Variants in RBFOX1 observed in about 807,000 individuals in gnomAD.
RBFOX1 encodes the protein RNA binding protein fox-1 homolog 1.
RBFOX1 carries 8 observed loss-of-function variants against 57.7 expected under a neutral mutation model. That is an observed-to-expected ratio of 0.14 (90% CI 0.08 to 0.25). The LOEUF (loss-of-function observed/expected upper bound fraction) is 0.25, where lower values mean the gene tolerates loss of function less well. RBFOX1 is among the 10% of genes least tolerant of loss of function. The pLI, the probability that RBFOX1 is intolerant of heterozygous loss-of-function variation, is 1.00. For missense variants in RBFOX1, 611 were observed against 548.5 expected, an observed-to-expected ratio of 1.11 and a Z score of -1.14; for synonymous variants, 326 against 222.4, an observed-to-expected ratio of 1.47 and a Z score of -4.15.
intron 4 of RBFOX1, among the ~76,000 whole-genome samples, chr16:7,402,144 T>A (rs2098254781): frequency 6.6e-6 from 1 of 152,074 alleles, no homozygotes; most frequent in African/African-American, 2.4e-5. Flanking sequence ...AATTGAAAAA[T>A]ATATATATTG....
intron 1 of RBFOX1, among the ~76,000 whole-genome samples, chr16:5,395,909 C>G (rs527267606): frequency 6.6e-6 from 1 of 152,284 alleles, no homozygotes; most frequent in South Asian, 2.1e-4. Context: ...CCTGCAGCCA[C>G]CAGGAAATAA....
chr16:7,563,378 C>G lies in RBFOX1; in HGVS notation c.271-16399C>G, dbSNP rs368149577. ...TGCTGCAGTTCACACAGATAGGAAGCAGTGAAGCTGGAATTCAAATCTAGA... is the reference window on the plus strand; with the variant it reads ...TGCTGCAGTTCACACAGATAGGAAGGAGTGAAGCTGGAATTCAAATCTAGA... On this transcript the variant is annotated intron_variant, in intron 5 of 15. Coordinates refer to ENST00000550418, the MANE Select transcript of RBFOX1 (RefSeq NM_018723.4). Among the ~76,000 whole-genome samples the G allele has an allele frequency of 8.7e-4, 133 of 152,270 alleles. 4 individuals carry two copies. In the South Asian group the frequency reaches 0.027, roughly 31 times the overall value.
At chr16:5,691,856 G>A (rs894971907) in intron 3 of RBFOX1, among the ~76,000 whole-genome samples, 2 of 152,072 alleles carry the variant, frequency 1.3e-5, no homozygotes, top group Admixed American at 1.3e-4. Flanking sequence ...GCCAGAGTTG[G>A]GATTCAATCC....
intron 3 of RBFOX1, among the ~76,000 whole-genome samples, chr16:6,768,630 G>C (rs994409854): frequency 6.6e-6 from 1 of 150,794 alleles, no homozygotes; most frequent in African/African-American, 2.4e-5. Flanking sequence ...TTTAAATATC[G>C]CCTACCTGTA....
intron 3 of RBFOX1, among the ~76,000 whole-genome samples, chr16:6,681,437 T>G (rs1254266043): frequency 6.6e-6 from 1 of 152,224 alleles, no homozygotes; most frequent in Non-Finnish European, 1.5e-5. Context: ...CCTGGCAAGC[T>G]GTGTGAAGAA....
chr16:6,999,149 G>C (rs1009647306), intron 3 of RBFOX1, among the ~76,000 whole-genome samples: 2 of 149,540 alleles, frequency 1.3e-5, no homozygotes, highest in Admixed American at 1.3e-4. Flanking sequence ...GATTACAGGT[G>C]TGAGCCACTG....
chr16:6,966,923 C>G (rs2084368251), intron 3 of RBFOX1, among the ~76,000 whole-genome samples: 1 of 150,142 alleles, frequency 6.7e-6, no homozygotes, highest in Non-Finnish European at 1.5e-5. Context: ...ATCCATCCAT[C>G]CATCCATCCA....
At chr16:5,929,019 G>C (rs796076455) in intron 4 of RBFOX1, among the ~76,000 whole-genome samples, 9 of 137,538 alleles carry the variant, frequency 6.5e-5, no homozygotes, top group African/African-American at 2.5e-4. Context: ...AGTGTTTAAA[G>C]CTTCTTTCCA....
intron 1 of RBFOX1, among the ~76,000 whole-genome samples, chr16:6,224,300 A>G (rs7198628): frequency 6.6e-6 from 1 of 151,992 alleles, no homozygotes; most frequent in South Asian, 2.1e-4. Flanking sequence ...CTTGGGCAGT[A>G]TGGCCATTTT....
At chr16:5,933,688 C>T (rs1175362984) in intron 4 of RBFOX1, among the ~76,000 whole-genome samples, 1 of 152,122 alleles carries the variant, frequency 6.6e-6, no homozygotes, top group Non-Finnish European at 1.5e-5. Context: ...CTTTCCAAAG[C>T]CCTGAAATAC....
intron 3 of RBFOX1, among the ~76,000 whole-genome samples, chr16:6,908,582 C>T (rs942487916): frequency 6.6e-6 from 1 of 152,188 alleles, no homozygotes; most frequent in Admixed American, 6.5e-5. Flanking sequence ...ATCCATGTGC[C>T]TGGCACAGTG....
intron 1 of RBFOX1, among the ~76,000 whole-genome samples, chr16:6,169,668 T>C (rs565942087): frequency 6.6e-6 from 1 of 152,302 alleles, no homozygotes; most frequent in African/African-American, 2.4e-5. Context: ...AATTTGAACA[T>C]AGTTTCAACA....
chr16:7,351,431 CT>C (rs1433197935), intron 4 of RBFOX1, among the ~76,000 whole-genome samples: 4 of 152,168 alleles, frequency 2.6e-5, no homozygotes. Context: ...AGCTTTGATT[CT>C]TTTTTTAGTG....
intron 3 of RBFOX1, among the ~76,000 whole-genome samples, chr16:6,799,670 A>G (rs1346475216): frequency 6.6e-6 from 1 of 152,160 alleles, no homozygotes; most frequent in Non-Finnish European, 1.5e-5. Context: ...AGGTGGAAGA[A>G]GGTGGGATGA....
chr16:5,280,002 C>T (rs1038405440), intron 1 of RBFOX1, among the ~76,000 whole-genome samples: 1 of 152,104 alleles, frequency 6.6e-6, no homozygotes, highest in Non-Finnish European at 1.5e-5. Context: ...AGTGGGTATC[C>T]TTGTCTTGTT....
At chr16:5,355,503 G>A (rs1463445405) in intron 1 of RBFOX1, among the ~76,000 whole-genome samples, 1 of 152,200 alleles carries the variant, frequency 6.6e-6, no homozygotes, top group African/African-American at 2.4e-5. Context: ...CCTGAGGTCA[G>A]CTGAAGCTGG....
intron 3 of RBFOX1, among the ~76,000 whole-genome samples, chr16:6,919,966 C>A (rs934854057): frequency 2.6e-5 from 4 of 151,944 alleles, no homozygotes; most frequent in African/African-American, 4.8e-5. Context: ...CCCCAAAGTC[C>A]ATTACATCAT....
At chr16:7,249,905 A>C (rs4146343) in intron 4 of RBFOX1, among the ~76,000 whole-genome samples, 15,037 of 152,258 alleles carry the variant, frequency 0.099, 897 homozygotes, top group Middle Eastern at 0.14. Flanking sequence ...CAGAAAGGTT[A>C]AACCAATTTA....
At chr16:5,599,295 G>T (rs1241742610) in exon 3 of RBFOX1, 2 of 629,930 alleles carry the variant, frequency 3.2e-6, no homozygotes, top group South Asian at 3.8e-5. Context: ...GACGGCCCCA[G>T]GTTGTGGGAG....
Sources: gnomAD v4.1 joint callset for allele counts (sites outside exome capture counted in the v4.1 genomes callset) on GRCh38, gnomAD v4.1.1 for gene constraint, MANE v1.5 for transcripts, NCBI Gene and HGNC (gene_info 2026-07-23, HGNC 2026-07-21) for gene names.